Variants in CD1B observed in about 807,000 individuals in gnomAD.
CD1B encodes the protein T-cell surface glycoprotein CD1b.
In CD1B, 43 loss-of-function variants were observed where a neutral mutation model predicts 39.8. The observed-to-expected ratio is 1.08, with a 90% CI of 0.85 to 1.39. CD1B has a LOEUF of 1.39. Ranked by LOEUF, CD1B falls within the 40% of genes most tolerant of loss-of-function variation. The pLI is 0.00. For missense variants in CD1B, 495 were observed against 403.8 expected (o/e 1.23, Z -1.94); for synonymous variants, 192 against 152.5 (o/e 1.26, Z -1.91).
In CD1B at chr1:158,328,981, G is replaced by T; in HGVS notation, c.920C>A (p.Ala307Glu). 1 of 1,613,782 alleles carries T rather than the reference G, an allele frequency of 6.2e-7. No homozygotes were observed. The highest frequency in any genetic ancestry group is 8.5e-7 in the Non-Finnish European group (1 of 1,179,888). Residue 307 changes from alanine to glutamate, a missense_variant, in exon 5 of 6, where the codon GCA becomes GAA. Physicochemically the swap from Ala to Glu is moderately radical, Grantham distance 107. Transcript: ENST00000368168. ...AAGGAGCAAGGAAGGCACTATTATT[G>T]CCAAAACAATTGAGCCAATGGAGGT... ...NPTSIGSIVL[A>E]IIVPSLLLLL...
the CD1B span, among the ~76,000 whole-genome samples, chr1:158,314,053 T>G: frequency 6.6e-6 from 1 of 152,176 alleles, no homozygotes. Flanking sequence ...CTCCTCTTTT[T>G]TTCTTAATTT....
the CD1B span, chr1:158,292,162 T>C: frequency 6.2e-7 from 1 of 1,614,090 alleles, no homozygotes; most frequent in Non-Finnish European, 8.5e-7. Context: ...CAGGTAGCTT[T>C]CAACGGATTA....
the CD1B span, among the ~76,000 whole-genome samples, chr1:158,319,457 A>G: frequency 2.0e-5 from 3 of 152,082 alleles, no homozygotes; most frequent in Non-Finnish European, 2.9e-5. Flanking sequence ...TGATCGCATC[A>G]GCTCCTGAGG....
At chr1:158,317,612 C>G in the CD1B span, among the ~76,000 whole-genome samples, 2 of 152,134 alleles carry the variant, frequency 1.3e-5, no homozygotes, top group Non-Finnish European at 2.9e-5. Flanking sequence ...TTCAAAAAAC[C>G]AGCTCCTGGA....
chr1:158,330,950 C>A lies in CD1B; in HGVS notation c.174G>T (p.Trp58Cys). 1 of 1,614,086 alleles carries A rather than the reference C, an allele frequency of 6.2e-7. No homozygotes were observed. The highest frequency in any genetic ancestry group is 8.5e-7 in the Non-Finnish European group (1 of 1,180,012). Reference protein sequence around the residue: ...GWLDDLQIHGWDSDSGTAIFL... With the variant: ...GWLDDLQIHGCDSDSGTAIFL... Reference sequence around the variant, plus strand: ...ATATGGCAGTGCCTGAGTCGCTATCCCAGCCATGAATCTGCAAATCATCCA... The same window carrying A: ...ATATGGCAGTGCCTGAGTCGCTATCACAGCCATGAATCTGCAAATCATCCA... The change falls in exon 2 of 6, where the codon TGG becomes TGT. Residue 58 changes from tryptophan to cysteine, a missense_variant. Coordinates refer to ENST00000368168, the MANE Select transcript of CD1B (RefSeq NM_001764.3).
At chr1:158,318,586 C>T in the CD1B span, among the ~76,000 whole-genome samples, 127 of 152,260 alleles carry the variant, frequency 8.3e-4, no homozygotes, top group Non-Finnish European at 1.6e-3. Flanking sequence ...TTCCTGAATA[C>T]AGCACACTGA....
the CD1B span, among the ~76,000 whole-genome samples, chr1:158,312,571 C>T: frequency 6.6e-6 from 1 of 151,812 alleles, no homozygotes; most frequent in Non-Finnish European, 1.5e-5. Context: ...GAGTTTTTAC[C>T]TCCTTTGTTA....
chr1:158,305,821 T>C, the CD1B span, among the ~76,000 whole-genome samples: 5 of 152,166 alleles, frequency 3.3e-5, no homozygotes, highest in Admixed American at 1.3e-4. Flanking sequence ...ATTTCATATG[T>C]AGCCAAACTA....
the CD1B span, among the ~76,000 whole-genome samples, chr1:158,317,348 T>G: frequency 4.6e-5 from 7 of 152,242 alleles, no homozygotes; most frequent in Non-Finnish European, 1.0e-4. Flanking sequence ...TATCCTGTTA[T>G]TGGTCTATTC....
chr1:158,291,460 T>C, the CD1B span: 167 of 1,555,604 alleles, frequency 1.1e-4, no homozygotes, highest in Non-Finnish European at 1.4e-4. Flanking sequence ...AGGGAAATAT[T>C]CTCTACTAAT....
In CD1B at chr1:158,330,081, A is replaced by C; in HGVS notation, c.378T>G (p.Gly126=). The change falls in exon 3 of 6, where the codon GGT becomes GGG. Residue 126 remains glycine, a synonymous_variant. Transcript: ENST00000368168. ...CTCCCCTCAGGAAGCTTACTATGGC[A>C]CCTCCAGAATGTAGCTCACAGCCTG... ...GIAGCELHSG[G]AIVSFLRGAL... is the part of the protein sequence containing the mutation. 6.2e-7 allele frequency: 1 copy of C among 1,613,810 alleles called. No individual in the cohort carries two copies. Among genetic ancestry groups the C allele is most frequent in the African/African-American group, 1.3e-5 (1 of 74,978 alleles).
chr1:158,320,521 A>G, the CD1B span, among the ~76,000 whole-genome samples: 5 of 151,690 alleles, frequency 3.3e-5, no homozygotes, highest in African/African-American at 7.3e-5. Context: ...TTCAGCTGGC[A>G]CACGGTGTGC....
the CD1B span, among the ~76,000 whole-genome samples, chr1:158,320,414 C>T: frequency 1.3e-5 from 2 of 152,100 alleles, no homozygotes; most frequent in African/African-American, 2.4e-5. Flanking sequence ...GGGAGTGACC[C>T]GATTTTCCAG....
chr1:158,320,676 C>A, the CD1B span, among the ~76,000 whole-genome samples: 3 of 151,814 alleles, frequency 2.0e-5, no homozygotes, highest in African/African-American at 2.4e-5. Flanking sequence ...GCCATCTTGG[C>A]TCCTCCCCCT....
the CD1B span, among the ~76,000 whole-genome samples, chr1:158,308,337 C>A: frequency 6.6e-6 from 1 of 152,208 alleles, no homozygotes; most frequent in East Asian, 1.9e-4. Context: ...AAAGAAGATA[C>A]AAACAAATGG....
At chr1:158,330,540 CACAT>C in intron 2 of CD1B, 2 of 661,360 alleles carry the variant, frequency 3.0e-6, no homozygotes, top group Non-Finnish European at 5.5e-6. Context: ...GGAGAAGTTT[CACAT>C]AAGACAAACC....
chr1:158,322,819 GC>G, the CD1B span, among the ~76,000 whole-genome samples: 1 of 152,032 alleles, frequency 6.6e-6, no homozygotes, highest in Non-Finnish European at 1.5e-5. Flanking sequence ...TGAATATATT[GC>G]CCTACACTTT....
At position 158,328,174 on chromosome 1, in the gene CD1B, T is replaced by G. The variant is rs1652429800; in HGVS notation, c.*62A>C. On this transcript the variant is annotated 3_prime_UTR_variant, in exon 6 of 6. Transcript: ENST00000368168. ...TTTGAAATATGATAAGATTGACTTT[T>G]GGGCTGATATCTTGGGCTTCTTGGT... 8.0e-7 allele frequency: 1 copy of G among 1,243,672 alleles called. No homozygotes were observed. The highest frequency in any genetic ancestry group is 1.2e-6 in the Non-Finnish European group (1 of 855,680). 77.0% of individuals were successfully genotyped at this position (1,243,672 alleles called of 1,614,324 possible).
chr1:158,325,909 C>T (rs1652335405), downstream of CD1B, among the ~76,000 whole-genome samples: 1 of 152,138 alleles, frequency 6.6e-6, no homozygotes, highest in African/African-American at 2.4e-5. Context: ...TTATATGCCT[C>T]TTGTGAGATA....
Sources: allele counts gnomAD v4.1 joint callset (sites outside exome capture counted in the v4.1 genomes callset), GRCh38; gene constraint gnomAD v4.1.1; transcripts MANE v1.5; gene names NCBI Gene and HGNC (gene_info 2026-07-23, HGNC 2026-07-21).